The following NAALADL2 variants were observed in gnomAD, a reference collection of about 807,000 sequenced individuals.
NAALADL2 encodes inactive N-acetylated-alpha-linked acidic dipeptidase-like protein 2.
In NAALADL2, 76 loss-of-function variants were observed where a neutral mutation model predicts 87.2. That is an observed-to-expected ratio of 0.87 (90% CI 0.72 to 1.05). The LOEUF (loss-of-function observed/expected upper bound fraction) is 1.05, where lower values mean the gene tolerates loss of function less well. Among genes scored for constraint, NAALADL2 ranks in the 50% least tolerant of loss-of-function variants. The pLI is 0.00. For missense variants in NAALADL2, 1,089 were observed against 945.8 expected (o/e 1.15, Z -1.99); for synonymous variants, 354 against 331.0 (o/e 1.07, Z -0.75).
At chr3:174,650,487 A>C (rs1724245300) in intron 2 of NAALADL2, among the ~76,000 whole-genome samples, 1 of 152,108 alleles carries the variant, frequency 6.6e-6, no homozygotes, top group Admixed American at 6.6e-5. Flanking sequence ...CTTTTCCTCT[A>C]ATAGCTGTGT....
chr3:175,559,840 G>A (rs62288380), intron 9 of NAALADL2, among the ~76,000 whole-genome samples: 19,646 of 152,174 alleles, frequency 0.13, 1,366 homozygotes, highest in Middle Eastern at 0.17. Flanking sequence ...ATTTGCTAGT[G>A]TTTTGTTGTG....
chr3:175,131,738 A>T (rs1580612624), intron 2 of NAALADL2, among the ~76,000 whole-genome samples: 1 of 150,088 alleles, frequency 6.7e-6, no homozygotes, highest in Non-Finnish European at 1.5e-5. Flanking sequence ...GGCGCCCCTC[A>T]CCCCCCGGAC....
intron 5 of NAALADL2, among the ~76,000 whole-genome samples, chr3:175,342,732 A>G (rs887508056): frequency 1.4e-4 from 21 of 152,244 alleles, no homozygotes; most frequent in Admixed American, 1.2e-3. Flanking sequence ...TATTTTTATT[A>G]CTACCTTCCA....
chr3:174,956,182 A>G (rs953119709), intron 1 of NAALADL2, among the ~76,000 whole-genome samples: 6 of 152,010 alleles, frequency 3.9e-5, no homozygotes, highest in African/African-American at 1.4e-4. Context: ...GATAGACAGC[A>G]CTCAACAGCC....
In NAALADL2 at chr3:174,791,307, A is replaced by T. The variant is rs147884477; in HGVS notation, c.-9+53561A>T. ...ATGTTCGCATTCTCCTAAAAGTCAT[A>T]TGTTGAAATCCTAACACCAAAGGCG... On this transcript the variant is annotated intron_variant, in intron 3 of 3. Coordinates refer to the NAALADL2 transcript ENST00000434257. 2.6e-5 allele frequency among the ~76,000 whole-genome samples: 4 copies of T among 152,214 alleles called. No homozygotes were observed. The East Asian group carries it at 5.8e-4, about 22-fold the overall frequency.
chr3:175,315,571 C>T (rs1162958874), intron 4 of NAALADL2, among the ~76,000 whole-genome samples: 1 of 152,004 alleles, frequency 6.6e-6, no homozygotes, highest in Non-Finnish European at 1.5e-5. Flanking sequence ...ATATTGAAAG[C>T]TGTGTTAACA....
In NAALADL2 at chr3:174,754,266, AATGCAT is replaced by A. The variant is rs570857591; in HGVS notation, c.-9+16523_-9+16528del. Reference sequence around the variant, plus strand: ...TTTAAATATGCATATATGTTTTAAAAATGCATATCAGGAAGGTTACACAGAAGTATA... The same window carrying A: ...TTTAAATATGCATATATGTTTTAAAAATCAGGAAGGTTACACAGAAGTATA... On this transcript the variant is annotated intron_variant, in intron 3 of 3. Transcript: ENST00000434257. Among the ~76,000 whole-genome samples the A allele has an allele frequency of 3.8e-4, 52 of 136,334 alleles. No homozygotes were observed. The East Asian group carries it at 0.01, about 27-fold the overall frequency. The allele number at this position is 136,334 out of a possible 152,430, so 89.4% of individuals were successfully genotyped here. A position where few individuals can be genotyped will look rare whatever the true frequency, so the allele number is the denominator to read the frequency against.
intron 2 of NAALADL2, among the ~76,000 whole-genome samples, chr3:174,716,042 G>A (rs1341315868): frequency 6.6e-6 from 1 of 152,048 alleles, no homozygotes; most frequent in Non-Finnish European, 1.5e-5. Flanking sequence ...TAGTTTACCA[G>A]TTTTAGTCCT....
chr3:174,948,531 T>C (rs1018248764), intron 1 of NAALADL2, among the ~76,000 whole-genome samples: 4 of 152,206 alleles, frequency 2.6e-5, no homozygotes, highest in Non-Finnish European at 5.9e-5. Context: ...AAGATAACTT[T>C]TGTCTGGTAC....
intron 3 of NAALADL2, among the ~76,000 whole-genome samples, chr3:175,246,171 G>A (rs539432584): frequency 1.3e-5 from 2 of 152,240 alleles, no homozygotes; most frequent in African/African-American, 4.8e-5. Flanking sequence ...GAAGGTAAAC[G>A]TGGATAATCA....
intron 9 of NAALADL2, among the ~76,000 whole-genome samples, chr3:175,569,656 G>T (rs1362059823): frequency 6.6e-6 from 1 of 151,960 alleles, no homozygotes; most frequent in African/African-American, 2.4e-5. Context: ...ATCACGTAAG[G>T]ATACCACGGG....
At chr3:175,672,337 C>A (rs1400217050) in intron 11 of NAALADL2, among the ~76,000 whole-genome samples, 2 of 152,064 alleles carry the variant, frequency 1.3e-5, no homozygotes, top group Non-Finnish European at 2.9e-5. Context: ...CTTTACTTTG[C>A]TATTTTTATG....
intron 3 of NAALADL2, among the ~76,000 whole-genome samples, chr3:174,777,899 G>A (rs939534668): frequency 6.6e-6 from 1 of 151,836 alleles, no homozygotes; most frequent in African/African-American, 2.4e-5. Flanking sequence ...GCAACTATAA[G>A]GAAAATCAAG....
intron 9 of NAALADL2, among the ~76,000 whole-genome samples, chr3:175,503,546 A>T (rs1729847737): frequency 6.6e-6 from 1 of 152,206 alleles, no homozygotes; most frequent in Non-Finnish European, 1.5e-5. Context: ...CATTGCCACT[A>T]GCAATGTGTA....
chr3:174,899,360 C>A (rs1732024497), intron 1 of NAALADL2, among the ~76,000 whole-genome samples: 1 of 152,072 alleles, frequency 6.6e-6, no homozygotes, highest in Non-Finnish European at 1.5e-5. Context: ...GAAACATAAT[C>A]CCCAGTGTTA....
chr3:174,926,076 C>G (rs1458033285), intron 1 of NAALADL2, among the ~76,000 whole-genome samples: 1 of 151,990 alleles, frequency 6.6e-6, no homozygotes, highest in African/African-American at 2.4e-5. Flanking sequence ...GCTTCGGTAG[C>G]CGATTCAATC....
intron 9 of NAALADL2, among the ~76,000 whole-genome samples, chr3:175,541,963 C>A (rs188558483): frequency 1.4e-4 from 22 of 152,296 alleles, no homozygotes; most frequent in African/African-American, 5.3e-4. Flanking sequence ...AAGTGATCCA[C>A]CTGCCTCAGC....
chr3:174,443,354 G>T lies in NAALADL2; in HGVS notation c.-184+2322G>T, dbSNP rs146749690. Among the ~76,000 whole-genome samples, 5 of 152,308 alleles carry T rather than the reference G, an allele frequency of 3.3e-5. 1 individual carries two copies. In the East Asian group the frequency reaches 9.6e-4, roughly 29 times the overall value. On this transcript the variant is annotated intron_variant, in intron 1 of 3. Transcript: ENST00000434257. ...TTTGAGGGTGTATTCCTCAGGGTTT[G>T]CTGAGAGATAGGATATGGAATGTGA...
chr3:175,758,271 C>G (rs867998454), intron 13 of NAALADL2, among the ~76,000 whole-genome samples: 1 of 151,956 alleles, frequency 6.6e-6, no homozygotes, highest in Non-Finnish European at 1.5e-5. Flanking sequence ...ATATAACAAA[C>G]TTTAGGACTG....
Sources: gnomAD v4.1 joint callset for allele counts (sites outside exome capture counted in the v4.1 genomes callset) on GRCh38, gnomAD v4.1.1 for gene constraint, MANE v1.5 for transcripts, NCBI Gene and HGNC (gene_info 2026-07-23, HGNC 2026-07-21) for gene names.